Variants in CHODL observed in about 807,000 individuals in gnomAD.
CHODL encodes the protein chondrolectin, also known as transmembrane protein MT75.
Under a neutral mutation model 34.5 loss-of-function variants are expected in CHODL, and 29 were observed. That is an observed-to-expected ratio of 0.84 (90% CI 0.63 to 1.15). The LOEUF (loss-of-function observed/expected upper bound fraction) is 1.15, where lower values mean the gene tolerates loss of function less well. Among genes scored for constraint, CHODL ranks in the 50% most tolerant of loss-of-function variants. The pLI, the probability that CHODL is intolerant of heterozygous loss-of-function variation, is 0.00. For synonymous variants in CHODL, 125 were observed against 116.1 expected (o/e 1.08, Z -0.49); for missense variants, 332 against 332.5 (o/e 1.00, Z 0.01).
chr21:18,100,029 G>A (rs1364730471), intron 2 of CHODL: 1 of 151,888 alleles, frequency 6.6e-6, no homozygotes, highest in Non-Finnish European at 1.5e-5. Context: ...CTAAGGATAT[G>A]ACAAAGCAAA....
chr21:18,106,967 G>T (rs1199854092), intron 2 of CHODL, among the ~76,000 whole-genome samples: 2 of 152,122 alleles, frequency 1.3e-5, no homozygotes, highest in Non-Finnish European at 2.9e-5. Flanking sequence ...CTTGAAAACT[G>T]ACAGAATCTG....
At chr21:18,253,269 A>G (rs907663279) in intron 1 of CHODL, among the ~76,000 whole-genome samples, 6 of 152,202 alleles carry the variant, frequency 3.9e-5, no homozygotes, top group Admixed American at 2.0e-4. Context: ...GCTTTGTTAC[A>G]TATAACAAAC....
At chr21:18,018,620 G>A (rs1439912621) in intron 1 of CHODL, among the ~76,000 whole-genome samples, 5 of 152,164 alleles carry the variant, frequency 3.3e-5, no homozygotes, top group African/African-American at 1.2e-4. Context: ...TTCCTGCACA[G>A]CCTGCAGAAC....
intron 2 of CHODL, among the ~76,000 whole-genome samples, chr21:18,130,725 C>G (rs1028567399): frequency 2.6e-5 from 4 of 151,814 alleles, no homozygotes; most frequent in Non-Finnish European, 4.4e-5. Flanking sequence ...GGATATTACC[C>G]CCAAATTTTA....
chr21:17,923,870 G>A (rs775481233), intron 1 of CHODL, among the ~76,000 whole-genome samples: 3 of 152,166 alleles, frequency 2.0e-5, no homozygotes, highest in Non-Finnish European at 4.4e-5. Flanking sequence ...CTAGAAAGAT[G>A]GCAACACAAA....
intron 1 of CHODL, among the ~76,000 whole-genome samples, chr21:18,020,902 C>T (rs2064121979): frequency 1.3e-5 from 2 of 152,040 alleles, no homozygotes. Flanking sequence ...TCCAAGAGTT[C>T]AAGACCAGCC....
chr21:18,028,036 T>G (rs897233260), intron 2 of CHODL: 3 of 152,356 alleles, frequency 2.0e-5, no homozygotes, highest in African/African-American at 7.2e-5. Flanking sequence ...GAGCTCAAAC[T>G]GACTAAGACA....
chr21:17,927,646 C>A (rs767200926), intron 1 of CHODL, among the ~76,000 whole-genome samples: 2 of 152,166 alleles, frequency 1.3e-5, no homozygotes, highest in Non-Finnish European at 1.5e-5. Context: ...GAGACCAGCA[C>A]CTACATGTGC....
chr21:18,136,121 A>AAAAAAAAAG (rs1568904672), intron 2 of CHODL, among the ~76,000 whole-genome samples: 1 of 138,144 alleles, frequency 7.2e-6, no homozygotes, highest in African/African-American at 2.7e-5. Context: ...AAAAAAAAGA[A>AAAAAAAAAG]AAAGAAAAAA....
At chr21:18,179,275 T>C (rs1349772123) in intron 2 of CHODL, among the ~76,000 whole-genome samples, 1 of 152,162 alleles carries the variant, frequency 6.6e-6, no homozygotes, top group East Asian at 1.9e-4. Context: ...CATTTCTGTC[T>C]TTAGTCCAAA....
intron 2 of CHODL, among the ~76,000 whole-genome samples, chr21:18,042,337 G>A (rs2064386432): frequency 6.6e-6 from 1 of 151,638 alleles, no homozygotes; most frequent in Non-Finnish European, 1.5e-5. Context: ...CCCCATTTTG[G>A]GGCCCACAAA....
At chr21:18,188,212 C>T (rs1018194354) in intron 2 of CHODL, among the ~76,000 whole-genome samples, 1 of 151,984 alleles carries the variant, frequency 6.6e-6, no homozygotes, top group African/African-American at 2.4e-5. Context: ...GTTTCTTGCC[C>T]TCATTTCATC....
intron 2 of CHODL, among the ~76,000 whole-genome samples, chr21:18,090,822 C>T (rs1481549610): frequency 6.6e-6 from 1 of 151,832 alleles, no homozygotes; most frequent in Non-Finnish European, 1.5e-5. Flanking sequence ...TTGTATGTCT[C>T]CACTGATGGA....
At chr21:18,110,709 T>C (rs938530797) in intron 2 of CHODL, among the ~76,000 whole-genome samples, 1 of 152,174 alleles carries the variant, frequency 6.6e-6, no homozygotes, top group Non-Finnish European at 1.5e-5. Flanking sequence ...CTCAAAAGCA[T>C]TTGGAAAAAC....
intron 1 of CHODL, among the ~76,000 whole-genome samples, chr21:17,940,514 G>T (rs923102367): frequency 6.6e-6 from 1 of 152,176 alleles, no homozygotes; most frequent in Non-Finnish European, 1.5e-5. Context: ...ATTATATAGT[G>T]GTAGACTTTA....
At chr21:18,151,193 A>G (rs920153143) in intron 2 of CHODL, among the ~76,000 whole-genome samples, 1 of 152,084 alleles carries the variant, frequency 6.6e-6, no homozygotes, top group South Asian at 2.1e-4. Flanking sequence ...GGAGGAAGAC[A>G]TGCTGCACAG....
At chr21:18,001,695 A>T (rs1264756624) in intron 1 of CHODL, among the ~76,000 whole-genome samples, 2 of 151,466 alleles carry the variant, frequency 1.3e-5, no homozygotes, top group Non-Finnish European at 2.9e-5. Flanking sequence ...ACATTGTTAC[A>T]TGTTGCTTCT....
At chr21:18,094,663 T>C (rs1453021438) in intron 2 of CHODL, among the ~76,000 whole-genome samples, 1 of 146,228 alleles carries the variant, frequency 6.8e-6, no homozygotes, top group Admixed American at 7.0e-5. Context: ...CAAATTATAA[T>C]GGAAACACAA....
rs1036242512 is a variant in CHODL, at chr21:18,170,367, T to G, written c.-44-86142T>G. 5.3e-5 allele frequency among the ~76,000 whole-genome samples: 8 copies of G among 152,074 alleles called. No individual in the cohort carries two copies. In the South Asian group the frequency reaches 1.7e-3, roughly 31 times the overall value. Reference sequence around the variant, plus strand: ...GATGTCACTTTTTTCCTTCTGCTAGTCTGTGTGTTGATTGGCATATTTCAA... The same window carrying G: ...GATGTCACTTTTTTCCTTCTGCTAGGCTGTGTGTTGATTGGCATATTTCAA... On this transcript the variant is annotated intron_variant, in intron 2 of 6. Transcript: ENST00000400127.
Sources: allele counts gnomAD v4.1 joint callset (sites outside exome capture counted in the v4.1 genomes callset), GRCh38; gene constraint gnomAD v4.1.1; transcripts MANE v1.5; gene names NCBI Gene and HGNC (gene_info 2026-07-23, HGNC 2026-07-21).